ZMYND15: variants seen among roughly 807,000 people sequenced by gnomAD.
ZMYND15 encodes the protein zinc finger MYND domain-containing protein 15.
In ZMYND15, 54 loss-of-function variants were observed where a neutral mutation model predicts 81.7. That is an observed-to-expected ratio of 0.66 (90% confidence interval 0.53 to 0.83). ZMYND15 has a LOEUF of 0.83. Ranked by LOEUF, ZMYND15 falls within the 40% of genes least tolerant of loss-of-function variation. The probability of loss-of-function intolerance (pLI) is 0.00; values close to 1 mark genes in which losing one functional copy is unlikely to be tolerated. For missense variants in ZMYND15, 925 were observed against 973.5 expected (o/e 0.95, Z 0.66); for synonymous variants, 399 against 387.0 (o/e 1.03, Z -0.36).
At chr17:4,742,636 G>T (rs1459782792) in intron 5 of ZMYND15, 145 bp downstream of exon 5, 6 of 1,143,956 alleles carry the variant, frequency 5.2e-6, no homozygotes, top group Non-Finnish European at 7.3e-6. Flanking sequence ...GGCAGGGGCT[G>T]GGTGTTTGGG....
In ZMYND15 at chr17:4,743,396, G is replaced by A. The variant is rs764220240; in HGVS notation, c.1238G>A (p.Gly413Asp). ...ACCCAGCTCAGCATGCTGATTCCAG[G>A]CCCGGGCTTCTCCAGACACCCCCGA... Reference protein sequence around the residue: ...YWTQLSMLIPGPGFSRHPRGN... With the variant: ...YWTQLSMLIPDPGFSRHPRGN... Residue 413 changes from glycine (G) to aspartate (D), a missense_variant, in exon 6 of 14, where the codon GGC (glycine) becomes GAC (aspartate). By Grantham distance (94) the Gly-to-Asp change is moderately conservative (BLOSUM62 -1). Coordinates refer to ENST00000433935, the MANE Select transcript of ZMYND15 (RefSeq NM_001136046.3). The surrounding 1 kb of genome is among the most constrained non-coding windows in gnomAD (Gnocchi z 4.3). 1.2e-6 allele frequency: 2 copies of A among 1,614,024 alleles called. No individual in the cohort carries two copies. The highest frequency in any genetic ancestry group is 1.7e-6 in the Non-Finnish European group (2 of 1,179,998).
At chr17:4,742,614 C>A in intron 5 of ZMYND15, 123 bp downstream of exon 5, 1 of 1,331,434 alleles carries the variant, frequency 7.5e-7, no homozygotes. Context: ...GAGCCTAGAT[C>A]CCTGGAACAA....
At position 4,744,835 on chromosome 17, in the gene ZMYND15, G is replaced by A. The variant is rs776642549; in HGVS notation, c.1838-35G>A. The A allele has an allele frequency of 6.8e-6, 11 of 1,614,008 alleles. No individual in the cohort carries two copies. Among genetic ancestry groups the A allele is most frequent in the Middle Eastern group, 1.6e-4 (1 of 6,084 alleles). ...GGGGAAGGTGGGAGAGAAGCCCACC[G>A]TGGGAGCCAGCTTCTCCCTCCTCTC... On this transcript the variant is annotated intron_variant, in intron 11 of 13. Transcript: ENST00000433935. This position sits in a 1 kb window ranked among gnomAD's most constrained non-coding sequence, Gnocchi z 4.1.
intron 2 of ZMYND15, 97 bp from the exon 3 acceptor site, chr17:4,741,485 G>A: frequency 3.7e-6 from 5 of 1,351,030 alleles, no homozygotes; most frequent in Non-Finnish European, 4.2e-6. Context: ...GAGGTTACTT[G>A]CCTAGCCCCG....
chr17:4,740,069 G>T lies in ZMYND15; in HGVS notation c.-31+19G>T. 5 of 986,134 alleles carry T rather than the reference G, an allele frequency of 5.1e-6. No individual in the cohort carries two copies. Among genetic ancestry groups the T allele is most frequent in the Non-Finnish European group, 6.0e-6 (5 of 830,438 alleles). 61.1% of individuals were successfully genotyped at this position (986,134 alleles called of 1,614,324 possible). On this transcript the variant is annotated intron_variant, in intron 1 of 13. Transcript: ENST00000433935. ...GCTGCAGGTACCGGAGGAGTGGGGCGGCCGGGAGGGGCTAGGTCTACCGGG... is the reference window on the plus strand; with the variant it reads ...GCTGCAGGTACCGGAGGAGTGGGGCTGCCGGGAGGGGCTAGGTCTACCGGG...
rs1916448237 is a variant in ZMYND15, at chr17:4,742,067, C to G, written c.980C>G (p.Pro327Arg). 1.2e-6 allele frequency: 2 copies of G among 1,614,094 alleles called. No homozygotes were observed. The highest frequency in any genetic ancestry group is 1.7e-6 in the Non-Finnish European group (2 of 1,179,988). ...HRHSFEAKLT[P>R]CPQCSAVLYC... ...CACAGCTTTGAAGCGAAGCTGACAC[C>G]TTGGTGAGCAGCCCCAAAGCTGGGG... is the stretch of plus-strand genomic sequence containing the variant. Residue 327 changes from proline (P) to arginine (R), a missense_variant, in exon 4 of 14, where the codon CCT becomes CGT. Coordinates refer to ENST00000433935, the MANE Select transcript of ZMYND15 (RefSeq NM_001136046.3).
In ZMYND15 at chr17:4,741,090, A is replaced by T; in HGVS notation, c.542A>T (p.Asp181Val). The T allele has an allele frequency of 6.5e-7, 1 of 1,538,414 alleles. No individual in the cohort carries two copies. The highest frequency in any genetic ancestry group is 8.8e-7 in the Non-Finnish European group (1 of 1,139,458). ...AGGGKDGCRE[D>V]RVENETRPQK... ...GGTGGCAAGGATGGCTGCCGAGAGG[A>T]CAGGGTGGAGAACGAAACAAGACCC... Residue 181 changes from aspartate to valine, a missense_variant, in exon 2 of 14, where the codon GAC becomes GTC. Asp to Val is a radical substitution (Grantham distance 152, BLOSUM62 -3). Coordinates refer to ENST00000433935, the MANE Select transcript of ZMYND15 (RefSeq NM_001136046.3).
intron 1 of ZMYND15, chr17:4,740,269 A>T: frequency 1.6e-6 from 1 of 642,394 alleles, no homozygotes; most frequent in Non-Finnish European, 2.2e-6. Context: ...CTCCAATTTT[A>T]AGCCCCAAAT....
In ZMYND15 at chr17:4,740,939, G is replaced by A. The variant is rs541113171; in HGVS notation, c.391G>A (p.Gly131Arg). The A allele has an allele frequency of 3.1e-5, 49 of 1,578,956 alleles. No individual in the cohort carries two copies. The highest frequency in any genetic ancestry group is 1.8e-4 in the East Asian group (8 of 43,834). The change falls in exon 2 of 14, where the codon GGG becomes AGG. Residue 131 changes from glycine to arginine, a missense_variant. Transcript: ENST00000433935. ...EDEEEEKRED[G>R]GAGSTEKVEP... The stretch of plus-strand genomic sequence containing the variant: ...TGAAGAAGAAGAGAAGAGAGAGGAC[G>A]GGGGTGCAGGCAGCACAGAGAAGGT...
In ZMYND15 at chr17:4,744,938, G is replaced by A; in HGVS notation, c.1896+10G>A. On this transcript the variant is annotated intron_variant, in intron 12 of 13. Transcript: ENST00000433935. The surrounding 1 kb of genome is among the most constrained non-coding windows in gnomAD (Gnocchi z 4.1). ...TCTGCCCCGGTTACAGGTGGGCAAT[G>A]GGGGCAAAAGGGAACTTCTCTCCCC... 6.2e-7 allele frequency: 1 copy of A among 1,614,056 alleles called. No individual in the cohort carries two copies. Among genetic ancestry groups the A allele is most frequent in the Non-Finnish European group, 8.5e-7 (1 of 1,179,976 alleles).
Position 4,743,925 on chromosome 17 carries a change from G to A in ZMYND15, c.1379-66G>A, listed in dbSNP as rs1597283611. 3 of 1,581,146 alleles carry A rather than the reference G, an allele frequency of 1.9e-6. No homozygotes were observed. In the East Asian group the frequency reaches 6.9e-5, roughly 36 times the overall value. ...CCAGAGCCTGGGTGGCTGTGAAGAA[G>A]AGGTTTGTTAGACTAGAGGGGGTGG... On this transcript the variant is annotated intron_variant, in intron 7 of 13. Coordinates refer to ENST00000433935, the MANE Select transcript of ZMYND15 (RefSeq NM_001136046.3). The surrounding 1 kb of genome is among the most constrained non-coding windows in gnomAD (Gnocchi z 4.3).
rs1298871988 is a variant in ZMYND15, at chr17:4,741,092, A to G, written c.544A>G (p.Arg182Gly). The G allele has an allele frequency of 2.0e-6, 3 of 1,534,656 alleles. No individual in the cohort carries two copies. The highest frequency in any genetic ancestry group is 2.6e-6 in the Non-Finnish European group (3 of 1,137,472). The change falls in exon 2 of 14, where the codon AGG becomes GGG. Residue 182 changes from arginine (R) to glycine (G), a missense_variant. By Grantham distance (125) the Arg-to-Gly change is moderately radical. Transcript: ENST00000433935. ...TGGCAAGGATGGCTGCCGAGAGGACAGGGTGGAGAACGAAACAAGACCCCA... is the reference window on the plus strand; with the variant it reads ...TGGCAAGGATGGCTGCCGAGAGGACGGGGTGGAGAACGAAACAAGACCCCA... ...GGGKDGCRED[R>G]VENETRPQKR...
chr17:4,740,429 C>G, intron 1 of ZMYND15, 90 bp from the exon 2 acceptor site: 1 of 1,413,646 alleles, frequency 7.1e-7, no homozygotes, highest in Admixed American at 3.0e-5. Flanking sequence ...AAGTGACTCT[C>G]AAACCTACCC....
In ZMYND15 at chr17:4,745,279, C is replaced by T. The variant is rs1916612696; in HGVS notation, c.1961C>T (p.Thr654Ile). ...TACAGCTGTGTGATGGACGGCCAGA[C>T]CATGGCGGTGGCCACTGGAGGGGGC... is the stretch of plus-strand genomic sequence containing the variant. ...SEYSCVMDGQ[T>I]MAVATGGGTS... The change falls in exon 13 of 14, where the codon ACC (threonine) becomes ATC (isoleucine). Residue 654 changes from threonine to isoleucine, a missense_variant. Coordinates refer to ENST00000433935, the MANE Select transcript of ZMYND15 (RefSeq NM_001136046.3). The surrounding 1 kb of genome is among the most constrained non-coding windows in gnomAD (Gnocchi z 5.2). 1 of 1,613,884 alleles carries T rather than the reference C, an allele frequency of 6.2e-7. No homozygotes were observed. The highest frequency in any genetic ancestry group is 8.5e-7 in the Non-Finnish European group (1 of 1,179,972).
In ZMYND15 at chr17:4,741,919, C is replaced by G. The variant is rs774571752; in HGVS notation, c.832C>G (p.Leu278Val). Residue 278 changes from leucine to valine, a missense_variant, in exon 4 of 14, where the codon CTG (leucine) becomes GTG (valine). Transcript: ENST00000433935. ...TVGDARLHRE[L>V]ESLVPRLGVK... is the part of the protein sequence containing the mutation. ...CTCCCCCCCAACTGCATTTAGAGAGCTGGAGAGCTTGGTCCCAAGGCTAGG... is the reference window on the plus strand; with the variant it reads ...CTCCCCCCCAACTGCATTTAGAGAGGTGGAGAGCTTGGTCCCAAGGCTAGG... 6.2e-7 allele frequency: 1 copy of G among 1,613,992 alleles called. No individual in the cohort carries two copies. The highest frequency in any genetic ancestry group is 1.1e-5 in the South Asian group (1 of 91,046).
chr17:4,744,940 G>A lies in ZMYND15; in HGVS notation c.1896+12G>A. The A allele has an allele frequency of 3.1e-6, 5 of 1,613,984 alleles. No individual in the cohort carries two copies. The highest frequency in any genetic ancestry group is 1.1e-5 in the South Asian group (1 of 91,060). On this transcript the variant is annotated intron_variant, in intron 12 of 13. Coordinates refer to ENST00000433935, the MANE Select transcript of ZMYND15 (RefSeq NM_001136046.3). This position sits in a 1 kb window ranked among gnomAD's most constrained non-coding sequence, Gnocchi z 4.1. ...TGCCCCGGTTACAGGTGGGCAATGGGGGCAAAAGGGAACTTCTCTCCCCTC... is the reference window on the plus strand; with the variant it reads ...TGCCCCGGTTACAGGTGGGCAATGGAGGCAAAAGGGAACTTCTCTCCCCTC...
At position 4,742,323 on chromosome 17, in the gene ZMYND15, G is replaced by C. The variant is rs909099247; in HGVS notation, c.984-8G>C. The C allele has an allele frequency of 6.8e-6, 11 of 1,613,000 alleles. No homozygotes were observed. Among genetic ancestry groups the C allele is most frequent in the Non-Finnish European group, 9.3e-6 (11 of 1,179,252 alleles). On this transcript the variant is annotated splice_region_variant and splice_polypyrimidine_tract_variant and intron_variant, in intron 4 of 13. Transcript: ENST00000433935. ...ACACTAGGTGCCCACCACCCGCTGTGTCCCCAGCCCCCAGTGTAGTGCTGT... is the reference window on the plus strand; with the variant it reads ...ACACTAGGTGCCCACCACCCGCTGTCTCCCCAGCCCCCAGTGTAGTGCTGT...
rs748144851 is a variant in ZMYND15, at chr17:4,745,355, G to T, written c.2037G>T (p.Ala679=). ...TCCGCTCCCCCTTTCGCCTCAGAGC[G>T]GCCGACAACTGCATGTCCTGGTAAG... ...NPFRSPFRLR[A]ADNCMSWYCN... The change falls in exon 13 of 14, where the codon GCG becomes GCT. Residue 679 remains alanine, a synonymous_variant. Transcript: ENST00000433935. This position sits in a 1 kb window ranked among gnomAD's most constrained non-coding sequence, Gnocchi z 5.2. The T allele has an allele frequency of 2.9e-5, 47 of 1,606,986 alleles. No homozygotes were observed. The highest frequency in any genetic ancestry group is 3.7e-5 in the Non-Finnish European group (44 of 1,177,174).
intron 5 of ZMYND15, among the ~76,000 whole-genome samples, chr17:4,742,803 C>T (rs771335211): frequency 2.6e-5 from 4 of 152,156 alleles, no homozygotes; most frequent in African/African-American, 4.8e-5. Context: ...TTGAAGCTTC[C>T]GTGTCCTCAT....
Sources: gnomAD v4.1 joint callset for allele counts (sites outside exome capture counted in the v4.1 genomes callset) on GRCh38, gnomAD v4.1.1 for gene constraint, Gnocchi (gnomAD v3.1) non-coding constraint, MANE v1.5 for transcripts, NCBI Gene and HGNC (gene_info 2026-07-23, HGNC 2026-07-21) for gene names.